The following SYT2 variants were observed in gnomAD, a reference collection of about 807,000 sequenced individuals.
SYT2 encodes the protein synaptotagmin-2.
A neutral mutation model predicts 39.9 loss-of-function variants in SYT2; 15 were observed. That is an observed-to-expected ratio of 0.38 (90% confidence interval 0.25 to 0.58). The LOEUF (loss-of-function observed/expected upper bound fraction) is 0.58. SYT2 is among the 20% of genes least tolerant of loss of function. The pLI is 0.70. For missense variants in SYT2, 389 were observed against 530.3 expected (o/e 0.73, Z 2.62); for synonymous variants, 181 against 204.5 (o/e 0.89, Z 0.98).
chr1:202,667,282 A>G (rs1558454875), intron 1 of SYT2, among the ~76,000 whole-genome samples: 1 of 152,160 alleles, frequency 6.6e-6, no homozygotes, highest in South Asian at 2.1e-4. Flanking sequence ...AGGAAACACA[A>G]CTACTGCCAG....
chr1:202,679,706 T>G (rs189002267), intron 1 of SYT2, among the ~76,000 whole-genome samples: 1 of 152,306 alleles, frequency 6.6e-6, no homozygotes, highest in East Asian at 1.9e-4. Context: ...CAGAGTGAAC[T>G]TTCTAAAAGG....
intron 1 of SYT2, among the ~76,000 whole-genome samples, chr1:202,642,325 C>G (rs1691937845): frequency 1.3e-5 from 2 of 151,942 alleles, no homozygotes; most frequent in Non-Finnish European, 2.9e-5. Flanking sequence ...TGCAGAGGCT[C>G]GGGCAGGCGT....
intron 1 of SYT2, among the ~76,000 whole-genome samples, chr1:202,672,780 A>AGGGG (rs371581540): frequency 4.5e-5 from 4 of 88,846 alleles, no homozygotes; most frequent in Non-Finnish European, 9.4e-5. Context: ...GGAGGGAGGG[A>AGGGG]GAGAGAGAGA....
At chr1:202,639,787 C>T (rs72644166) in intron 1 of SYT2, 56,963 of 985,364 alleles carry the variant, frequency 0.058, 2,513 homozygotes, top group East Asian at 0.32. Flanking sequence ...ACTCCTGGAG[C>T]CTGAGGCCAG....
At chr1:202,668,156 A>G (rs2149108273) in intron 1 of SYT2, among the ~76,000 whole-genome samples, 1 of 152,332 alleles carries the variant, frequency 6.6e-6, no homozygotes, top group South Asian at 2.1e-4. Context: ...AAAATCATTG[A>G]ATATATTGTA....
intron 1 of SYT2, among the ~76,000 whole-genome samples, chr1:202,652,330 G>C (rs1572659089): frequency 6.6e-6 from 1 of 152,308 alleles, no homozygotes; most frequent in East Asian, 1.9e-4. Flanking sequence ...ATGGATCTGG[G>C]TTGGGGGTGA....
chr1:202,670,058 G>C (rs1046292015), intron 1 of SYT2, among the ~76,000 whole-genome samples: 1 of 152,290 alleles, frequency 6.6e-6, no homozygotes, highest in Non-Finnish European at 1.5e-5. Flanking sequence ...GCCAGCACTC[G>C]TGAGGAAGGA....
chr1:202,629,876 G>T (rs1691525709), intron 1 of SYT2, among the ~76,000 whole-genome samples: 2 of 126,320 alleles, frequency 1.6e-5, no homozygotes, highest in East Asian at 2.5e-4. Context: ...GTGGGGGGGG[G>T]GGGGTGGTAC....
chr1:202,695,635 A>C (rs942643928), intron 1 of SYT2, among the ~76,000 whole-genome samples: 1 of 152,238 alleles, frequency 6.6e-6, no homozygotes, highest in Non-Finnish European at 1.5e-5. Flanking sequence ...ATGGTCAAAA[A>C]TTCATTTCCA....
intron 1 of SYT2, among the ~76,000 whole-genome samples, chr1:202,669,893 A>T (rs1184183957): frequency 6.6e-6 from 1 of 152,174 alleles, no homozygotes; most frequent in Non-Finnish European, 1.5e-5. Flanking sequence ...ATCTGGGCAT[A>T]ACCGAGGCAC....
chr1:202,668,452 G>T (rs1343335621), intron 1 of SYT2, among the ~76,000 whole-genome samples: 1 of 152,154 alleles, frequency 6.6e-6, no homozygotes, highest in Non-Finnish European at 1.5e-5. Flanking sequence ...TGTTAAGAGT[G>T]AAAACTGCTA....
At position 202,594,320 on chromosome 1, in the gene SYT2, T is replaced by C. The variant is rs1241685123; in HGVS notation, c.*2437A>G. ...TTGCCTTTCCTCCCTGTCAAGGGAA[T>C]GCAAATCTTGGGCTTTGGAAGGGCT... On this transcript the variant is annotated 3_prime_UTR_variant, in exon 9 of 9. Coordinates refer to ENST00000367268, the MANE Select transcript of SYT2 (RefSeq NM_177402.5). 6.6e-6 allele frequency: 1 copy of C among 152,188 alleles called. No homozygotes were observed. The highest frequency in any genetic ancestry group is 6.5e-5 in the Admixed American group (1 of 15,274). 9.4% of individuals were successfully genotyped at this position (152,188 alleles called of 1,614,324 possible). A position where few individuals can be genotyped will look rare whatever the true frequency, so the allele number is the denominator to read the frequency against.
At chr1:202,600,826 G>A (rs964588842) in intron 6 of SYT2, among the ~76,000 whole-genome samples, 1 of 152,162 alleles carries the variant, frequency 6.6e-6, no homozygotes, top group African/African-American at 2.4e-5. Flanking sequence ...TCCCACCCCA[G>A]GCCCTGGTAA....
chr1:202,607,795 A>G (rs1690756091), intron 1 of SYT2, among the ~76,000 whole-genome samples: 2 of 152,210 alleles, frequency 1.3e-5, no homozygotes, highest in Non-Finnish European at 2.9e-5. Flanking sequence ...GCAAGTAGCC[A>G]CACAAAGGGA....
chr1:202,676,306 G>A lies in SYT2; in HGVS notation c.-18+33952C>T, dbSNP rs370059772. ...GATGAGATGCCATCCTGGCCTGGAG[G>A]AGCCCATGGGGCAGAGAATCCTTCC... On this transcript the variant is annotated intron_variant, in intron 1 of 8. Coordinates refer to ENST00000367268, the MANE Select transcript of SYT2 (RefSeq NM_177402.5). Among the ~76,000 whole-genome samples, 231 of 152,246 alleles carry A rather than the reference G, an allele frequency of 1.5e-3. 1 individual carries two copies. The highest frequency in any genetic ancestry group is 5.3e-3 in the African/African-American group (219 of 41,526).
intron 1 of SYT2, among the ~76,000 whole-genome samples, chr1:202,650,528 C>T (rs1459975280): frequency 6.6e-6 from 1 of 151,988 alleles, no homozygotes; most frequent in Non-Finnish European, 1.5e-5. Flanking sequence ...CCCTGCCTCC[C>T]GGGTTCAAGC....
At chr1:202,704,277 G>A (rs1292070723) in intron 1 of SYT2, among the ~76,000 whole-genome samples, 3 of 152,200 alleles carry the variant, frequency 2.0e-5, no homozygotes, top group South Asian at 2.1e-4. Flanking sequence ...GGGGGCTAGG[G>A]GGACCCAGGA....
intron 1 of SYT2, among the ~76,000 whole-genome samples, chr1:202,645,925 T>C (rs7534078): frequency 0.47 from 72,181 of 152,050 alleles, 18,738 homozygotes; most frequent in African/African-American, 0.69. Context: ...GACAGCCTGA[T>C]AATCTTAATT....
At chr1:202,597,995 G>A (rs569846741) in intron 8 of SYT2, among the ~76,000 whole-genome samples, 85 of 152,268 alleles carry the variant, frequency 5.6e-4, no homozygotes, top group Non-Finnish European at 7.9e-4. Context: ...ACAGTCCTCC[G>A]CTTCATGGAC....
Sources: gnomAD v4.1 joint callset for allele counts (sites outside exome capture counted in the v4.1 genomes callset) on GRCh38, gnomAD v4.1.1 for gene constraint, MANE v1.5 for transcripts, NCBI Gene and HGNC (gene_info 2026-07-23, HGNC 2026-07-21) for gene names.